The following PCDHA6 variants were observed in gnomAD, a reference collection of about 807,000 sequenced individuals.
PCDHA6 encodes the protein protocadherin alpha-6.
PCDHA6 carries 55 observed loss-of-function variants against 60.3 expected under a neutral mutation model. That is an observed-to-expected ratio of 0.91 (90% CI 0.73 to 1.14). The LOEUF is 1.14. Ranked by LOEUF, PCDHA6 falls within the 50% of genes most tolerant of loss-of-function variation. PCDHA6 has a pLI of 0.00. For synonymous variants in PCDHA6, 652 were observed against 557.9 expected (o/e 1.17, Z -2.38); for missense variants, 1,327 against 1,256.5 (o/e 1.06, Z -0.85).
intron 1 of PCDHA6, among the ~76,000 whole-genome samples, chr5:140,925,793 A>G (rs1261267937): frequency 6.6e-6 from 1 of 152,074 alleles, no homozygotes; most frequent in African/African-American, 2.4e-5. Context: ...GTATCTCAGT[A>G]CTTTCCCCTC....
At chr5:140,999,004 A>T (rs2097842745) in intron 3 of PCDHA6, among the ~76,000 whole-genome samples, 1 of 152,258 alleles carries the variant, frequency 6.6e-6, no homozygotes, top group South Asian at 2.1e-4. Flanking sequence ...GCTGGAGCTG[A>T]GATTTGAACC....
chr5:140,990,984 A>G (rs1213067851), intron 3 of PCDHA6, among the ~76,000 whole-genome samples: 4 of 152,200 alleles, frequency 2.6e-5, no homozygotes, highest in Admixed American at 6.5e-5. Context: ...AAGGAAGACA[A>G]TAGCTACCAT....
Position 140,884,307 on chromosome 5 carries a change from C to T in PCDHA6, c.2394+53822C>T, listed in dbSNP as rs144612735. 3,633 of 1,613,724 alleles carry T rather than the reference C, an allele frequency of 2.3e-3. 15 individuals are homozygous for T. The highest frequency in any genetic ancestry group is 9.6e-3 in the Middle Eastern group (58 of 6,062). Reference sequence around the variant, plus strand: ...AGCGGCCAAGCGCCACAGGCTTCGTCGAGGGCGTCGGCAGGCGCTGTGGGT... The same window carrying T: ...AGCGGCCAAGCGCCACAGGCTTCGTTGAGGGCGTCGGCAGGCGCTGTGGGT... On this transcript the variant is annotated intron_variant, in intron 1 of 3. Transcript: ENST00000529310.
At chr5:140,969,058 TG>T in intron 1 of PCDHA6, 2 of 1,614,166 alleles carry the variant, frequency 1.2e-6, no homozygotes, top group Non-Finnish European at 1.7e-6. Context: ...ACAACAATAT[TG>T]ATGCCAGGAT....
At position 140,941,206 on chromosome 5, in the gene PCDHA6, TCTTTCTTC is replaced by T. The variant is rs1268159199; in HGVS notation, c.2395-37735_2395-37728del. Among the ~76,000 whole-genome samples the T allele has an allele frequency of 1.2e-3, 117 of 95,670 alleles. 1 individual carries two copies. The highest frequency in any genetic ancestry group is 8.3e-3 in the South Asian group (27 of 3,240). The allele number at this position is 95,670 out of a possible 152,430, so 62.8% of individuals were successfully genotyped here. A position where few individuals can be genotyped will look rare whatever the true frequency, so the allele number is the denominator to read the frequency against. On this transcript the variant is annotated intron_variant, in intron 1 of 3. Coordinates refer to ENST00000529310, the MANE Select transcript of PCDHA6 (RefSeq NM_018909.4). ...GCTTCTTTTTTTTTCTTTCTTCCTTTCTTTCTTCCTTTCTTTCTTTCTTTCTTTCTTTC... is the reference window on the plus strand; with the variant it reads ...GCTTCTTTTTTTTTCTTTCTTCCTTTCTTTCTTTCTTTCTTTCTTTCTTTC...
chr5:140,844,144 A>G (rs1289976032), intron 1 of PCDHA6, among the ~76,000 whole-genome samples: 1 of 149,504 alleles, frequency 6.7e-6, no homozygotes, highest in Non-Finnish European at 1.5e-5. Context: ...TGTTGTCTTT[A>G]TATTTACTTT....
chr5:140,858,733 C>A (rs984187341), intron 1 of PCDHA6: 4 of 475,092 alleles, frequency 8.4e-6, no homozygotes, highest in African/African-American at 8.1e-5. Context: ...TGACGATTTA[C>A]TTTCATAATC....
At chr5:140,871,536 A>G in intron 1 of PCDHA6, 1 of 1,507,188 alleles carries the variant, frequency 6.6e-7, no homozygotes, top group East Asian at 2.4e-5. Context: ...AGTGTATGTG[A>G]AATTATTTAA....
At chr5:140,860,323 G>A (rs782283348) in intron 1 of PCDHA6, 1 of 152,078 alleles carries the variant, frequency 6.6e-6, no homozygotes, top group African/African-American at 2.4e-5. Context: ...TGAGGCTGCA[G>A]TGACCCATGA....
At chr5:141,005,114 G>A (rs2098198000) in intron 3 of PCDHA6, among the ~76,000 whole-genome samples, 2 of 152,042 alleles carry the variant, frequency 1.3e-5, no homozygotes, top group African/African-American at 2.4e-5. Flanking sequence ...TTGTCTTTAG[G>A]GACCCCAAAA....
In PCDHA6 at chr5:140,936,501, T is replaced by A. The variant is rs192125282; in HGVS notation, c.2395-42448T>A. On this transcript the variant is annotated intron_variant, in intron 1 of 3. Transcript: ENST00000529310. ...AGCTTTCTTGTTTTAACTTGCACATTTAGATCTTAAATTACCTGAAATTGC... is the reference window on the plus strand; with the variant it reads ...AGCTTTCTTGTTTTAACTTGCACATATAGATCTTAAATTACCTGAAATTGC... Among the ~76,000 whole-genome samples, 509 of 152,360 alleles carry A rather than the reference T, an allele frequency of 3.3e-3. 1 individual carries two copies. Among genetic ancestry groups the A allele is most frequent in the African/African-American group, 0.011 (472 of 41,592 alleles).
intron 1 of PCDHA6, chr5:140,927,725 C>T (rs782731204): frequency 1.2e-6 from 2 of 1,614,202 alleles, no homozygotes; most frequent in South Asian, 2.2e-5. Flanking sequence ...AGCACGCAAG[C>T]AGAGCTGCGA....
chr5:140,876,674 A>T (rs782568001), intron 1 of PCDHA6: 38 of 1,614,024 alleles, frequency 2.4e-5, no homozygotes, highest in Non-Finnish European at 3.1e-5. Flanking sequence ...GTGTCCACCT[A>T]CAAGAATTAC....
At chr5:140,918,928 C>A (rs2078929450) in intron 1 of PCDHA6, among the ~76,000 whole-genome samples, 1 of 152,172 alleles carries the variant, frequency 6.6e-6, no homozygotes, top group South Asian at 2.1e-4. Context: ...CAGCATATGG[C>A]ATTTTGTTAT....
At chr5:140,865,776 T>C (rs1179893870) in intron 1 of PCDHA6, 1 of 152,204 alleles carries the variant, frequency 6.6e-6, no homozygotes, top group African/African-American at 2.4e-5. Flanking sequence ...ATTATTCAAA[T>C]GTGTATCTTT....
At chr5:140,848,181 G>A (rs1434722378) in intron 1 of PCDHA6, 4 of 268,526 alleles carry the variant, frequency 1.5e-5, no homozygotes, top group Admixed American at 1.5e-4. Context: ...CAAGAGAAAC[G>A]GGATCTTCTG....
rs10602499 is a variant in PCDHA6 at position 140,992,017 on chromosome 5, C to CTGTGTGTGTG, written c.2542+9482_2542+9491dup. Among the ~76,000 whole-genome samples, 121 of 145,620 alleles carry CTGTGTGTGTG rather than the reference C, an allele frequency of 8.3e-4. 2 individuals are homozygous for CTGTGTGTGTG. The highest frequency in any genetic ancestry group is 3.5e-3 in the Middle Eastern group (1 of 288). ...CTTTCATGTTCAGGCAGAGGTGGCT[C>CTGTGTGTGTG]TGTGTGTGTGTGTGTGTGTGTGTGT... On this transcript the variant is annotated intron_variant, in intron 3 of 3. Transcript: ENST00000529310.
At chr5:140,938,907 A>T (rs2092260332) in intron 1 of PCDHA6, among the ~76,000 whole-genome samples, 1 of 152,090 alleles carries the variant, frequency 6.6e-6, no homozygotes, top group Non-Finnish European at 1.5e-5. Context: ...GCACACACAC[A>T]CACGCACAAG....
chr5:140,953,837 C>T (rs1585533226), intron 1 of PCDHA6, among the ~76,000 whole-genome samples: 1 of 151,614 alleles, frequency 6.6e-6, no homozygotes, highest in African/African-American at 2.4e-5. Flanking sequence ...GGTTTGTTAC[C>T]CAGGTAAACA....
Sources: gnomAD v4.1 joint callset for allele counts (sites outside exome capture counted in the v4.1 genomes callset) on GRCh38, gnomAD v4.1.1 for gene constraint, MANE v1.5 for transcripts, NCBI Gene and HGNC (gene_info 2026-07-23, HGNC 2026-07-21) for gene names.